The following BLTP3B variants were observed in gnomAD, a reference collection of about 807,000 sequenced individuals.
The protein encoded by BLTP3B is bridge-like lipid transfer protein family member 3B, also known as UHRF1 (ICBP90) binding protein 1-like.
At chr12:100,069,965 A>G in the BLTP3B span, 13 of 1,197,094 alleles carry the variant, frequency 1.1e-5, no homozygotes, top group Non-Finnish European at 1.1e-5. Flanking sequence ...CATGGCTGGA[A>G]TACTATGATT....
the BLTP3B span, among the ~76,000 whole-genome samples, chr12:100,113,314 A>G: frequency 6.6e-6 from 1 of 151,962 alleles, no homozygotes; most frequent in East Asian, 1.9e-4. Context: ...CGTCCCTACT[A>G]AAAATACAGA....
chr12:100,088,969 C>G, the BLTP3B span: 1 of 1,479,980 alleles, frequency 6.8e-7, no homozygotes, highest in Non-Finnish European at 9.0e-7. Context: ...TGAGAAATCA[C>G]TAAATGATGG....
At chr12:100,042,104 TA>T in the BLTP3B span, among the ~76,000 whole-genome samples, 1 of 152,008 alleles carries the variant, frequency 6.6e-6, no homozygotes, top group Non-Finnish European at 1.5e-5. Flanking sequence ...TTGAAAGAAA[TA>T]AATAGATCTA....
chr12:100,050,151 TAAA>T, the BLTP3B span: 1 of 1,178,900 alleles, frequency 8.5e-7, no homozygotes, highest in South Asian at 1.8e-5. Context: ...GAAAAATAAT[TAAA>T]AAAAAAAACT....
chr12:100,115,624 G>T, the BLTP3B span, among the ~76,000 whole-genome samples: 1 of 151,938 alleles, frequency 6.6e-6, no homozygotes, highest in Non-Finnish European at 1.5e-5. Flanking sequence ...TTTTAAATTA[G>T]CTAGGCACGG....
At chr12:100,068,983 A>G in the BLTP3B span, among the ~76,000 whole-genome samples, 3 of 152,224 alleles carry the variant, frequency 2.0e-5, no homozygotes, top group African/African-American at 7.2e-5. Context: ...CCCGCCTGTC[A>G]TCCCAGCACT....
the BLTP3B span, among the ~76,000 whole-genome samples, chr12:100,100,068 C>A: frequency 6.6e-6 from 1 of 151,742 alleles, no homozygotes; most frequent in Non-Finnish European, 1.5e-5. Context: ...TGTGGGAGGC[C>A]AAGGCAGGTG....
At chr12:100,104,995 A>G in the BLTP3B span, among the ~76,000 whole-genome samples, 2 of 152,170 alleles carry the variant, frequency 1.3e-5, no homozygotes, top group Admixed American at 1.3e-4. Flanking sequence ...TAGATGACAT[A>G]AGCAAATGGA....
chr12:100,134,422 A>G, the BLTP3B span, among the ~76,000 whole-genome samples: 5 of 152,146 alleles, frequency 3.3e-5, no homozygotes, highest in Admixed American at 2.6e-4. Context: ...CCTGGCCAAC[A>G]TGATAAAACC....
At chr12:100,045,134 T>C in the BLTP3B span, among the ~76,000 whole-genome samples, 1 of 152,198 alleles carries the variant, frequency 6.6e-6, no homozygotes, top group East Asian at 1.9e-4. Context: ...TCCATGCTCA[T>C]GGGTAGGAAG....
At chr12:100,111,969 T>C in the BLTP3B span, among the ~76,000 whole-genome samples, 3 of 152,052 alleles carry the variant, frequency 2.0e-5, no homozygotes, top group Non-Finnish European at 4.4e-5. Flanking sequence ...ATCGAATCCC[T>C]GGGGTCAAGC....
chr12:100,085,269 C>A, the BLTP3B span, among the ~76,000 whole-genome samples: 8 of 151,840 alleles, frequency 5.3e-5, no homozygotes, highest in African/African-American at 1.9e-4. Flanking sequence ...TCAATCCCAG[C>A]ACTTTGGGAG....
At chr12:100,075,456 C>A in the BLTP3B span, among the ~76,000 whole-genome samples, 17 of 152,144 alleles carry the variant, frequency 1.1e-4, no homozygotes, top group Non-Finnish European at 1.6e-4. Context: ...AAGACCTCAA[C>A]GGCAATCACA....
chr12:100,112,131 A>C, the BLTP3B span, among the ~76,000 whole-genome samples: 1 of 152,176 alleles, frequency 6.6e-6, no homozygotes, highest in Non-Finnish European at 1.5e-5. Flanking sequence ...TTCAAGGGAA[A>C]CCAAAAAAGC....
chr12:100,110,114 A>G, the BLTP3B span, among the ~76,000 whole-genome samples: 20 of 152,326 alleles, frequency 1.3e-4, no homozygotes, highest in East Asian at 2.5e-3. Context: ...GAAAAAAACT[A>G]AACTACTGGC....
the BLTP3B span, among the ~76,000 whole-genome samples, chr12:100,123,750 C>T: frequency 6.7e-5 from 10 of 148,256 alleles, no homozygotes; most frequent in East Asian, 1.1e-3. Context: ...GTTTAAACTG[C>T]CTTTTTTTTT....
the BLTP3B span, among the ~76,000 whole-genome samples, chr12:100,104,393 A>G: frequency 6.6e-6 from 1 of 151,566 alleles, no homozygotes; most frequent in Non-Finnish European, 1.5e-5. Flanking sequence ...TAGTAGAGAC[A>G]GTGTTTTGAT....
the BLTP3B span, among the ~76,000 whole-genome samples, chr12:100,099,576 G>A: frequency 6.7e-6 from 1 of 150,316 alleles, no homozygotes; most frequent in African/African-American, 2.5e-5. Context: ...GACAGATCTC[G>A]TATCCGTAGA....
the BLTP3B span, among the ~76,000 whole-genome samples, chr12:100,130,947 T>TAC: frequency 1.9e-4 from 20 of 103,410 alleles, no homozygotes; most frequent in Non-Finnish European, 3.2e-4. Context: ...CATACATACA[T>TAC]ACATATATAT....
Sources: allele counts gnomAD v4.1 joint callset (sites outside exome capture counted in the v4.1 genomes callset), GRCh38; gene constraint gnomAD v4.1.1; transcripts MANE v1.5; gene names NCBI Gene and HGNC (gene_info 2026-07-23, HGNC 2026-07-21).